Variants in TENT5C observed in about 807,000 individuals in gnomAD.
TENT5C encodes terminal nucleotidyltransferase 5C.
A neutral mutation model predicts 22.2 loss-of-function variants in TENT5C; 5 were observed. The observed-to-expected ratio is 0.22, with a 90% confidence interval of 0.12 to 0.47. The LOEUF (loss-of-function observed/expected upper bound fraction) is 0.47. Ranked by LOEUF, TENT5C falls within the 20% of genes least tolerant of loss-of-function variation. The probability of loss-of-function intolerance (pLI) is 0.99; values close to 1 mark genes in which losing one functional copy is unlikely to be tolerated. For missense variants in TENT5C, 364 were observed against 500.9 expected, an observed-to-expected ratio of 0.73 and a Z score of 2.61; for synonymous variants, 199 against 195.4, an observed-to-expected ratio of 1.02 and a Z score of -0.15.
At position 117,622,939 on chromosome 1, in the gene TENT5C, G is replaced by A. The variant is rs1653928580; in HGVS notation, c.71G>A (p.Arg24Gln). The change falls in exon 2 of 2, where the codon CGG (arginine) becomes CAG (glutamine). Residue 24 changes from arginine to glutamine, a missense_variant. Transcript: ENST00000369448. ...FSVLNWDQVSRLHEVLTEVVP... is the reference protein window; with the variant it reads ...FSVLNWDQVSQLHEVLTEVVP... ...GTGCTCAACTGGGATCAGGTTAGCC[G>A]GCTGCATGAGGTCCTCACTGAAGTT... is the stretch of plus-strand genomic sequence containing the variant. 3.1e-6 allele frequency: 5 copies of A among 1,614,048 alleles called. No individual in the cohort carries two copies. Among genetic ancestry groups the A allele is most frequent in the Admixed American group, 1.7e-5 (1 of 59,998 alleles).
rs962816336 is a variant in TENT5C, at chr1:117,627,620, A to G, written c.*3576A>G. Reference sequence around the variant, plus strand: ...GTGTCAGGGAAAACCTTCTGGGTGGACTTTGTAAGAATCCAGTTTCCAAGG... The same window carrying G: ...GTGTCAGGGAAAACCTTCTGGGTGGGCTTTGTAAGAATCCAGTTTCCAAGG... On this transcript the variant is annotated 3_prime_UTR_variant, in exon 2 of 2. Coordinates refer to ENST00000369448, the MANE Select transcript of TENT5C (RefSeq NM_017709.4). 2 of 248,008 alleles carry G rather than the reference A, an allele frequency of 8.1e-6. No individual in the cohort carries two copies. Among genetic ancestry groups the G allele is most frequent in the African/African-American group, 4.4e-5 (2 of 45,336 alleles). 15.4% of individuals were successfully genotyped at this position (248,008 alleles called of 1,614,324 possible). A position where few individuals can be genotyped will look rare whatever the true frequency, so the allele number is the denominator to read the frequency against.
At chr1:117,619,481 A>G (rs1355294058) in intron 1 of TENT5C, among the ~76,000 whole-genome samples, 1 of 152,166 alleles carries the variant, frequency 6.6e-6, no homozygotes, top group Non-Finnish European at 1.5e-5. Context: ...TACTTTGCCT[A>G]ATGTTACAAA....
In TENT5C at chr1:117,628,204, A is replaced by G. The variant is rs1008209222; in HGVS notation, c.*4160A>G. On this transcript the variant is annotated 3_prime_UTR_variant, in exon 2 of 2. Transcript: ENST00000369448. ...TGAAAGCTTTTTGTTCTATATTTGC[A>G]TAGCCTTTGAAATATTTCTTAGTGC... The G allele has an allele frequency of 1.2e-5, 3 of 247,664 alleles. No homozygotes were observed. Among genetic ancestry groups the G allele is most frequent in the Middle Eastern group, 1.3e-3 (1 of 784 alleles). The allele number at this position is 247,664 out of a possible 1,614,324, so 15.3% of individuals were successfully genotyped here. A position where few individuals can be genotyped will look rare whatever the true frequency, so the allele number is the denominator to read the frequency against.
intron 1 of TENT5C, among the ~76,000 whole-genome samples, chr1:117,609,117 A>G (rs1653607326): frequency 6.6e-6 from 1 of 152,168 alleles, no homozygotes. Context: ...GTTTAAAGAA[A>G]TGTTCATGTG....
chr1:117,611,324 C>G (rs1394624857), intron 1 of TENT5C, among the ~76,000 whole-genome samples: 1 of 152,226 alleles, frequency 6.6e-6, no homozygotes, highest in Non-Finnish European at 1.5e-5. Flanking sequence ...GCTAGCACCG[C>G]TGCTATCTCC....
chr1:117,610,034 C>T (rs987527347), intron 1 of TENT5C, among the ~76,000 whole-genome samples: 1 of 152,158 alleles, frequency 6.6e-6, no homozygotes, highest in Non-Finnish European at 1.5e-5. Context: ...TCCCACCCTC[C>T]CTGACACCAG....
Position 117,623,273 on chromosome 1 carries a change from G to A in TENT5C, c.405G>A (p.Lys135=), listed in dbSNP as rs1347618249. The A allele has an allele frequency of 1.2e-6, 2 of 1,614,182 alleles. No homozygotes were observed. The highest frequency in any genetic ancestry group is 1.7e-6 in the Non-Finnish European group (2 of 1,180,038). ...TCAAAATCAGTCCAGTCACTCTGAA[G>A]GAGGCATATGTGCAGAAGCTAGTGA... The part of the protein sequence containing the change: ...NKLKISPVTL[K]EAYVQKLVKV... The change falls in exon 2 of 2, where the codon AAG becomes AAA. Residue 135 remains lysine, a synonymous_variant. Coordinates refer to ENST00000369448, the MANE Select transcript of TENT5C (RefSeq NM_017709.4).
At chr1:117,607,965 C>G (rs1653578061) in intron 1 of TENT5C, among the ~76,000 whole-genome samples, 1 of 151,782 alleles carries the variant, frequency 6.6e-6, no homozygotes, top group African/African-American at 2.4e-5. Context: ...TAAGGTATAC[C>G]CATAGCTTTA....
Position 117,626,695 on chromosome 1 carries a change from A to G in TENT5C, c.*2651A>G, listed in dbSNP as rs1392736878. 2 of 247,468 alleles carry G rather than the reference A, an allele frequency of 8.1e-6. No individual in the cohort carries two copies. Among genetic ancestry groups the G allele is most frequent in the Non-Finnish European group, 1.7e-5 (2 of 117,930 alleles). 15.3% of individuals were successfully genotyped at this position (247,468 alleles called of 1,614,324 possible). A position where few individuals can be genotyped will look rare whatever the true frequency, so the allele number is the denominator to read the frequency against. ...TACTGAGTCCAGTGGTTCCTATTTT[A>G]TGTGTGTGTGTATGTGTGTGTGTTG... is the stretch of plus-strand genomic sequence containing the variant. On this transcript the variant is annotated 3_prime_UTR_variant, in exon 2 of 2. Transcript: ENST00000369448.
chr1:117,628,152 GA>G lies in TENT5C; in HGVS notation c.*4113del. On this transcript the variant is annotated 3_prime_UTR_variant, in exon 2 of 2. Transcript: ENST00000369448. ...AACTTATTTCCAAATTAATATAGAT[GA>G]AAAATAGATACCAATTAGACTAAAT... 1 of 247,786 alleles carries G rather than the reference GA, an allele frequency of 4.0e-6. No individual in the cohort carries two copies. 15.3% of individuals were successfully genotyped at this position (247,786 alleles called of 1,614,324 possible).
In TENT5C at chr1:117,622,826, C is replaced by A; in HGVS notation, c.-27-16C>A. On this transcript the variant is annotated splice_polypyrimidine_tract_variant and intron_variant, in intron 1 of 1. Transcript: ENST00000369448. ...AGAAGTGAATCCTAACTCTGCTTCT[C>A]ACCCCTCACTTTCAGTTTCCCCAGC... 1 of 1,563,958 alleles carries A rather than the reference C, an allele frequency of 6.4e-7. No individual in the cohort carries two copies. The highest frequency in any genetic ancestry group is 1.2e-5 in the South Asian group (1 of 86,818).
At chr1:117,612,411 C>T (rs995654575) in intron 1 of TENT5C, among the ~76,000 whole-genome samples, 1 of 151,230 alleles carries the variant, frequency 6.6e-6, no homozygotes, top group East Asian at 1.9e-4. Context: ...CAAGGAACTG[C>T]TGATAAAATC....
intron 1 of TENT5C, among the ~76,000 whole-genome samples, chr1:117,614,883 G>T (rs1205027008): frequency 1.3e-5 from 2 of 152,066 alleles, no homozygotes; most frequent in African/African-American, 2.4e-5. Flanking sequence ...TCTGGACTTG[G>T]TTTCTCTAAA....
At chr1:117,613,166 G>A (rs1176066607) in intron 1 of TENT5C, among the ~76,000 whole-genome samples, 1 of 152,154 alleles carries the variant, frequency 6.6e-6, no homozygotes, top group Non-Finnish European at 1.5e-5. Context: ...GTGGGAAGGT[G>A]GTTACCAAGT....
At chr1:117,611,114 G>A (rs1021264378) in intron 1 of TENT5C, among the ~76,000 whole-genome samples, 2 of 152,256 alleles carry the variant, frequency 1.3e-5, no homozygotes, top group East Asian at 1.9e-4. Context: ...CCCTCTGCTC[G>A]TCGTAGTTAG....
intron 1 of TENT5C, among the ~76,000 whole-genome samples, chr1:117,609,141 G>A (rs549155200): frequency 1.3e-5 from 2 of 152,308 alleles, no homozygotes; most frequent in East Asian, 3.9e-4. Context: ...AAAGCTGCTT[G>A]GGTACATTAG....
chr1:117,610,987 C>T (rs1653659959), intron 1 of TENT5C, among the ~76,000 whole-genome samples: 1 of 152,242 alleles, frequency 6.6e-6, no homozygotes, highest in Non-Finnish European at 1.5e-5. Flanking sequence ...CCCACACCCT[C>T]TTCCGTTGCC....
chr1:117,610,846 TCCTTCTA>T (rs957650275), intron 1 of TENT5C, among the ~76,000 whole-genome samples: 46 of 152,316 alleles, frequency 3.0e-4, no homozygotes, highest in African/African-American at 1.1e-3. Context: ...TTACAGTTCT[TCCTTCTA>T]CCTTCTTTTC....
chr1:117,614,440 C>T (rs1365660066), intron 1 of TENT5C, among the ~76,000 whole-genome samples: 2 of 152,176 alleles, frequency 1.3e-5, no homozygotes, highest in African/African-American at 4.8e-5. Flanking sequence ...GGGGAAGTGA[C>T]GGTGTCCAGT....
Sources: gnomAD v4.1 joint callset for allele counts (sites outside exome capture counted in the v4.1 genomes callset) on GRCh38, gnomAD v4.1.1 for gene constraint, MANE v1.5 for transcripts, NCBI Gene and HGNC (gene_info 2026-07-23, HGNC 2026-07-21) for gene names.